The following CPNE5 variants were observed in gnomAD, a reference collection of about 807,000 sequenced individuals.
CPNE5 encodes copine-5.
Under a neutral mutation model 81.1 loss-of-function variants are expected in CPNE5, and 42 were observed. The observed-to-expected ratio is 0.52, with a 90% confidence interval of 0.40 to 0.67. The LOEUF (loss-of-function observed/expected upper bound fraction) is 0.67. CPNE5 is among the 30% of genes least tolerant of loss of function. The probability of loss-of-function intolerance (pLI) is 0.00; values close to 1 mark genes in which losing one functional copy is unlikely to be tolerated. For synonymous variants in CPNE5, 313 were observed against 321.5 expected (o/e 0.97, Z 0.28); for missense variants, 612 against 815.5 (o/e 0.75, Z 3.04).
At chr6:36,794,482 C>T in intron 7 of CPNE5, 108 bp downstream of exon 7, 2 of 1,070,058 alleles carry the variant, frequency 1.9e-6, no homozygotes, top group Non-Finnish European at 2.8e-6. Context: ...GGATCAGGGC[C>T]AAATTCGCAG....
In CPNE5 at chr6:36,791,879, C is replaced by G. The variant is rs567508232; in HGVS notation, c.528+154G>C. On this transcript the variant is annotated intron_variant, in intron 8 of 20. Transcript: ENST00000244751. The stretch of plus-strand genomic sequence containing the variant: ...GCTCAGCTATAAAAAGGGAAAACAC[C>G]CACTAGCTCTGATGTTGCAAAATTC... Among the ~76,000 whole-genome samples the G allele has an allele frequency of 1.6e-4, 25 of 152,240 alleles. No homozygotes were observed. The South Asian group carries it at 5.2e-3, about 32-fold the overall frequency.
intron 3 of CPNE5, among the ~76,000 whole-genome samples, chr6:36,813,732 C>T (rs1173969004): frequency 1.3e-5 from 2 of 152,122 alleles, no homozygotes; most frequent in Non-Finnish European, 2.9e-5. Context: ...TTGTTCCCAC[C>T]TCAGGGCCTT....
intron 12 of CPNE5, among the ~76,000 whole-genome samples, chr6:36,759,015 G>A (rs752071912): frequency 6.6e-6 from 1 of 152,258 alleles, no homozygotes; most frequent in Non-Finnish European, 1.5e-5. Context: ...GTGCTGCACT[G>A]TGCCTCAGTT....
intron 8 of CPNE5, among the ~76,000 whole-genome samples, chr6:36,787,851 C>T (rs1768708041): frequency 1.3e-5 from 2 of 152,042 alleles, no homozygotes; most frequent in South Asian, 4.1e-4. Context: ...GCTGGGACGG[C>T]CAGTCAGGTG....
chr6:36,828,594 G>A (rs530581299), intron 1 of CPNE5, among the ~76,000 whole-genome samples: 1 of 152,314 alleles, frequency 6.6e-6, no homozygotes, highest in South Asian at 2.1e-4. Flanking sequence ...CCTGGGGCAG[G>A]ACCCATAATG....
chr6:36,753,171 T>C (rs1235269086), intron 13 of CPNE5, 76 bp from the exon 14 acceptor site: 3 of 1,205,436 alleles, frequency 2.5e-6, no homozygotes, highest in African/African-American at 3.0e-5. Context: ...AGAGCTGACA[T>C]TGACAGAACA....
chr6:36,809,636 A>G (rs571689573), intron 3 of CPNE5, among the ~76,000 whole-genome samples: 8 of 152,254 alleles, frequency 5.3e-5, no homozygotes, highest in South Asian at 4.1e-4. Flanking sequence ...AAAAAAATCA[A>G]ATTGACTTAG....
At chr6:36,751,802 A>G (rs762729187) in intron 14 of CPNE5, among the ~76,000 whole-genome samples, 3 of 108,682 alleles carry the variant, frequency 2.8e-5, no homozygotes, top group Non-Finnish European at 6.5e-5. Flanking sequence ...CTCAAAAAAT[A>G]AATAAAATAA....
At chr6:36,757,874 T>C (rs1400369670) in intron 12 of CPNE5, among the ~76,000 whole-genome samples, 1 of 152,122 alleles carries the variant, frequency 6.6e-6, no homozygotes, top group South Asian at 2.1e-4. Context: ...CAGGCCCAGT[T>C]TGATGGCAGA....
intron 8 of CPNE5, among the ~76,000 whole-genome samples, chr6:36,788,650 ACTGCTGTATTACAGGCAGTAACAATCG>A (rs1208115918): frequency 1.4e-5 from 2 of 146,788 alleles, no homozygotes; most frequent in African/African-American, 5.0e-5. Flanking sequence ...CAATCGTTTT[ACTGCTGTATTACAGGCAGTAACAATCG>A]TTTTACTGCT....
At chr6:36,771,626 C>A (rs1767043997) in intron 10 of CPNE5, among the ~76,000 whole-genome samples, 1 of 152,184 alleles carries the variant, frequency 6.6e-6, no homozygotes, top group Non-Finnish European at 1.5e-5. Flanking sequence ...CAGCACCCAA[C>A]ACAGTGCCTG....
chr6:36,754,556 G>A (rs933270306), intron 13 of CPNE5: 1 of 152,220 alleles, frequency 6.6e-6, no homozygotes, highest in African/African-American at 2.4e-5. Flanking sequence ...GAACTGGCCT[G>A]GGCGTCTGTA....
chr6:36,766,838 G>A lies in CPNE5; in HGVS notation c.738-1462C>T, dbSNP rs1407700725. 5.9e-5 allele frequency among the ~76,000 whole-genome samples: 9 copies of A among 152,174 alleles called. No individual in the cohort carries two copies. Among genetic ancestry groups the A allele is most frequent in the Admixed American group, 1.3e-4 (2 of 15,284 alleles). ...TCTCTCCACTTCATCATTTGGCCGC[G>A]CTCTGATAGGTTTTTGTTTGTTTGT... is the stretch of plus-strand genomic sequence containing the variant. On this transcript the variant is annotated intron_variant, in intron 10 of 20. Coordinates refer to ENST00000244751, the MANE Select transcript of CPNE5 (RefSeq NM_020939.2). This position sits in a 1 kb window ranked among gnomAD's most constrained non-coding sequence, Gnocchi z 4.2.
rs1375146521 is a variant in CPNE5, at chr6:36,748,291, G to T, written c.972-24C>A. 3.1e-6 allele frequency: 5 copies of T among 1,611,924 alleles called. No homozygotes were observed. In the South Asian group the frequency reaches 3.3e-5, roughly 11 times the overall value. On this transcript the variant is annotated intron_variant, in intron 14 of 20. Coordinates refer to ENST00000244751, the MANE Select transcript of CPNE5 (RefSeq NM_020939.2). ...TCCTAGAAGAGGGAGAACAGCAGGG[G>T]AGTCACCTGGAGGGAGGCAGGGCTG... is the stretch of plus-strand genomic sequence containing the variant.
intron 8 of CPNE5, among the ~76,000 whole-genome samples, chr6:36,782,868 C>CACACACACAA (rs1250161980): frequency 7.7e-5 from 11 of 142,086 alleles, no homozygotes; most frequent in African/African-American, 2.9e-4. Flanking sequence ...CACACACACA[C>CACACACACAA]AAAACGGCAC....
At chr6:36,783,380 A>G (rs1292667143) in intron 8 of CPNE5, among the ~76,000 whole-genome samples, 3 of 14,290 alleles carry the variant, frequency 2.1e-4, no homozygotes, top group African/African-American at 4.6e-4. Context: ...AGTAAAAGTA[A>G]AAAAAAAAAA....
Position 36,767,000 on chromosome 6 carries a change from A to G in CPNE5, c.738-1624T>C, listed in dbSNP as rs553528468. 2.4e-4 allele frequency among the ~76,000 whole-genome samples: 37 copies of G among 152,280 alleles called. No homozygotes were observed. In the South Asian group the frequency reaches 4.8e-3, roughly 20 times the overall value. On this transcript the variant is annotated intron_variant, in intron 10 of 20. Transcript: ENST00000244751. This position sits in a 1 kb window ranked among gnomAD's most constrained non-coding sequence, Gnocchi z 4.2. The stretch of plus-strand genomic sequence containing the variant: ...CTCCCAAGTGTCTGGGATTACAGGC[A>G]TGAGCCACCACACCTGGCTAATTTT...
At chr6:36,827,788 G>A (rs1772632493) in intron 1 of CPNE5, 1 of 972,910 alleles carries the variant, frequency 1.0e-6, no homozygotes, top group Non-Finnish European at 1.2e-6. Context: ...CCAGGGCACA[G>A]ACAAGACCAG....
intron 8 of CPNE5, among the ~76,000 whole-genome samples, chr6:36,788,873 G>A (rs796298210): frequency 1.3e-5 from 2 of 152,156 alleles, no homozygotes; most frequent in South Asian, 4.1e-4. Context: ...ACACACTGGA[G>A]TCCACTGTCA....
Sources: allele counts gnomAD v4.1 joint callset (sites outside exome capture counted in the v4.1 genomes callset), GRCh38; gene constraint gnomAD v4.1.1; non-coding constraint Gnocchi (gnomAD v3.1); transcripts MANE v1.5; gene names NCBI Gene and HGNC (gene_info 2026-07-23, HGNC 2026-07-21).